Variants in SCN8A observed in about 807,000 individuals in gnomAD.
The protein encoded by SCN8A is sodium channel protein type 8 subunit alpha.
SCN8A carries 30 observed loss-of-function variants against 184.1 expected under a neutral mutation model. The ratio of observed to expected loss-of-function variants is 0.16; its 90% CI spans 0.12 to 0.22. SCN8A has a LOEUF of 0.22. Ranked by LOEUF, SCN8A falls within the 10% of genes least tolerant of loss-of-function variation. SCN8A has a pLI of 1.00. For missense variants in SCN8A, 1,057 were observed against 2,498.9 expected (o/e 0.42, Z 12.30); for synonymous variants, 852 against 907.0 (o/e 0.94, Z 1.09).
intron 1 of SCN8A, among the ~76,000 whole-genome samples, chr12:51,633,800 C>T (rs188679450): frequency 4.9e-4 from 74 of 152,256 alleles, no homozygotes; most frequent in African/African-American, 1.7e-3. Flanking sequence ...CTGGCGCAGA[C>T]TAGGGAAGAG....
At chr12:51,762,068 G>C (rs544862511) in intron 14 of SCN8A, among the ~76,000 whole-genome samples, 41 of 152,138 alleles carry the variant, frequency 2.7e-4, no homozygotes, top group Admixed American at 6.5e-4. Flanking sequence ...AAATGTCTGG[G>C]TTTGGTAAGA....
rs904966638 is a variant in SCN8A, at chr12:51,721,507, T to C, written c.1636-39T>C. ...TATAAAGGTCCACACTCCCGTCTCATTTCCCCGTCCCTCTCTCTTTCCCTG... is the reference window on the plus strand; with the variant it reads ...TATAAAGGTCCACACTCCCGTCTCACTTCCCCGTCCCTCTCTCTTTCCCTG... On this transcript the variant is annotated intron_variant, in intron 11 of 26. Transcript: ENST00000627620. 2.6e-6 allele frequency: 4 copies of C among 1,547,152 alleles called. No homozygotes were observed. The African/African-American group carries it at 4.1e-5, about 16-fold the overall frequency.
chr12:51,773,701 A>G (rs986428244), intron 19 of SCN8A, among the ~76,000 whole-genome samples: 4 of 152,234 alleles, frequency 2.6e-5, no homozygotes, highest in Admixed American at 1.3e-4. Context: ...ACCCATACAC[A>G]GATGTTCACA....
rs1019969857 is a variant in SCN8A, at chr12:51,769,003, A to G, written c.3040A>G (p.Lys1014Glu). 6.2e-7 allele frequency: 1 copy of G among 1,613,900 alleles called. No homozygotes were observed. The highest frequency in any genetic ancestry group is 1.7e-5 in the Admixed American group (1 of 60,002). ...GAAGGGTGTGGCCTGGACCAAACTAAAGGTGCACGCCTTCATGCAGGCCCA... is the reference window on the plus strand; with the variant it reads ...GAAGGGTGTGGCCTGGACCAAACTAGAGGTGCACGCCTTCATGCAGGCCCA... Reference protein sequence around the residue: ...IKKGVAWTKLKVHAFMQAHFK... With the variant: ...IKKGVAWTKLEVHAFMQAHFK... Residue 1014 changes from lysine to glutamate, a missense_variant, in exon 17 of 27, where the codon AAG becomes GAG. By Grantham distance (56) the Lys-to-Glu change is moderately conservative. Around this residue, in one of 19 missense-constraint regions of SCN8A, gnomAD observed 178 missense variants for 259.6 expected, o/e 0.69. Coordinates refer to ENST00000627620, the MANE Select transcript of SCN8A (RefSeq NM_001330260.2).
intron 20 of SCN8A, among the ~76,000 whole-genome samples, chr12:51,777,340 G>A (rs1280427929): frequency 4.6e-5 from 7 of 151,928 alleles, no homozygotes; most frequent in Non-Finnish European, 7.4e-5. Context: ...GCTCACTGCA[G>A]CCTCCAAGTC....
In SCN8A at chr12:51,709,235, A is replaced by C. The variant is rs57250572; in HGVS notation, c.1635+2520A>C. 5.4e-3 allele frequency among the ~76,000 whole-genome samples: 823 copies of C among 152,302 alleles called. 6 individuals are homozygous for C. Among genetic ancestry groups the C allele is most frequent in the African/African-American group, 0.019 (790 of 41,568 alleles). On this transcript the variant is annotated intron_variant, in intron 11 of 26. Transcript: ENST00000627620. ...TTATTTGTTGGATAACCAAGTACAG[A>C]TTTTTTTAGACAAGGATAGGCAAAT...
At chr12:51,716,556 A>T (rs1376439193) in intron 11 of SCN8A, among the ~76,000 whole-genome samples, 1 of 152,286 alleles carries the variant, frequency 6.6e-6, no homozygotes, top group South Asian at 2.1e-4. Flanking sequence ...GGTAGGGTGT[A>T]TGAGAAAACA....
chr12:51,661,168 A>T (rs930422767), intron 1 of SCN8A, among the ~76,000 whole-genome samples: 7 of 152,180 alleles, frequency 4.6e-5, no homozygotes, highest in African/African-American at 1.7e-4. Context: ...AAGTTGTCTG[A>T]TGTCTTAGGA....
intron 14 of SCN8A, among the ~76,000 whole-genome samples, chr12:51,758,541 G>A (rs303770): frequency 0.74 from 112,017 of 152,036 alleles, 43,932 homozygotes; most frequent in East Asian, 0.91. Context: ...AGGTTCAAGC[G>A]ATTCTTCTGC....
chr12:51,744,482 G>A (rs1366257082), intron 12 of SCN8A, among the ~76,000 whole-genome samples: 2 of 151,846 alleles, frequency 1.3e-5, no homozygotes, highest in Non-Finnish European at 2.9e-5. Flanking sequence ...TAGTAATGCA[G>A]CAAGGAATTC....
chr12:51,710,042 A>G (rs1157752448), intron 11 of SCN8A, among the ~76,000 whole-genome samples: 4 of 152,124 alleles, frequency 2.6e-5, no homozygotes, highest in Non-Finnish European at 4.4e-5. Flanking sequence ...TTGATAATGT[A>G]GGGAATTAAA....
chr12:51,791,510 C>T (rs1418883807), intron 25 of SCN8A, among the ~76,000 whole-genome samples: 1 of 152,108 alleles, frequency 6.6e-6, no homozygotes, highest in African/African-American at 2.4e-5. Context: ...CAAGGAATCT[C>T]AAGAAAGAGA....
intron 12 of SCN8A, among the ~76,000 whole-genome samples, chr12:51,733,566 G>C (rs1338440697): frequency 6.6e-6 from 1 of 152,134 alleles, no homozygotes; most frequent in Non-Finnish European, 1.5e-5. Context: ...TTTAGTATCA[G>C]AGTAATACTG....
At chr12:51,705,267 A>G (rs1163472885) in intron 9 of SCN8A, 150 bp from the exon 10 acceptor site, 3 of 625,214 alleles carry the variant, frequency 4.8e-6, no homozygotes, top group African/African-American at 1.8e-5. Flanking sequence ...TGGGAGTACC[A>G]AGTGCCCACA....
chr12:51,631,108 A>G (rs1488177493), intron 1 of SCN8A, among the ~76,000 whole-genome samples: 1 of 152,208 alleles, frequency 6.6e-6, no homozygotes, highest in Non-Finnish European at 1.5e-5. Context: ...TTTTAGATAC[A>G]CTTGGTGAAT....
At chr12:51,732,675 A>G (rs1428801777) in intron 12 of SCN8A, among the ~76,000 whole-genome samples, 1 of 152,196 alleles carries the variant, frequency 6.6e-6, no homozygotes, top group East Asian at 1.9e-4. Context: ...GAACATTTTA[A>G]CAATATTGAA....
intron 1 of SCN8A, among the ~76,000 whole-genome samples, chr12:51,651,204 T>A (rs1940706382): frequency 6.6e-6 from 1 of 152,098 alleles, no homozygotes; most frequent in African/African-American, 2.4e-5. Flanking sequence ...GCTGCAGAGA[T>A]TTTGTTTATG....
chr12:51,675,104 C>T (rs927107879), intron 2 of SCN8A, among the ~76,000 whole-genome samples: 4 of 152,196 alleles, frequency 2.6e-5, no homozygotes, highest in African/African-American at 4.8e-5. Context: ...AGTCTGTGCA[C>T]TTTAAGAGGT....
Position 51,810,259 on chromosome 12 carries a change from A to T in SCN8A, c.*2830A>T. ...GTATTTGAAGTTTCACTTTTTAAAA[A>T]AAAAATGTTTCCCACCTTTTTATCC... On this transcript the variant is annotated 3_prime_UTR_variant, in exon 27 of 27. Transcript: ENST00000627620. The T allele has an allele frequency of 4.1e-6, 1 of 241,118 alleles. No homozygotes were observed. The allele number at this position is 241,118 out of a possible 1,614,324, so 14.9% of individuals were successfully genotyped here. A position where few individuals can be genotyped will look rare whatever the true frequency, so the allele number is the denominator to read the frequency against.
Sources: allele counts gnomAD v4.1 joint callset (sites outside exome capture counted in the v4.1 genomes callset), GRCh38; gene constraint gnomAD v4.1.1; regional missense constraint gnomAD v4.1.1; transcripts MANE v1.5; gene names NCBI Gene and HGNC (gene_info 2026-07-23, HGNC 2026-07-21).